The following STYX variants were observed in gnomAD, a reference collection of about 807,000 sequenced individuals.
STYX encodes serine/threonine/tyrosine-interacting protein.
STYX carries 20 observed loss-of-function variants against 42.7 expected under a neutral mutation model. The ratio of observed to expected loss-of-function variants is 0.47; its 90% CI spans 0.33 to 0.68. The LOEUF (loss-of-function observed/expected upper bound fraction) is 0.68, where lower values mean the gene tolerates loss of function less well. STYX is among the 30% of genes least tolerant of loss of function. The pLI, the probability that STYX is intolerant of heterozygous loss-of-function variation, is 0.02. For missense variants in STYX, 226 were observed against 268.5 expected (o/e 0.84, Z 1.11); for synonymous variants, 78 against 81.9 (o/e 0.95, Z 0.26).
intron 1 of STYX, among the ~76,000 whole-genome samples, chr14:52,736,348 A>C (rs1057433875): frequency 7.2e-5 from 11 of 152,200 alleles, no homozygotes; most frequent in African/African-American, 2.7e-4. Flanking sequence ...TGTAACATTT[A>C]ACAATTTTTG....
chr14:52,763,077 G>A (rs539667860), intron 9 of STYX, among the ~76,000 whole-genome samples: 1 of 151,546 alleles, frequency 6.6e-6, no homozygotes, highest in Non-Finnish European at 1.5e-5. Context: ...ATTTTCAGTA[G>A]AGACGAGGTT....
intron 1 of STYX, among the ~76,000 whole-genome samples, chr14:52,743,790 A>G (rs867236212): frequency 6.6e-6 from 1 of 152,288 alleles, no homozygotes; most frequent in Middle Eastern, 3.4e-3. Context: ...AAACTTTTGG[A>G]ATGCAGTCAA....
chr14:52,769,800 T>C (rs1027995672), intron 10 of STYX, among the ~76,000 whole-genome samples: 1 of 152,104 alleles, frequency 6.6e-6, no homozygotes, highest in Non-Finnish European at 1.5e-5. Flanking sequence ...ACTCTTGTTA[T>C]TTGGTCTGTT....
intron 4 of STYX, among the ~76,000 whole-genome samples, chr14:52,753,446 A>T (rs1045562933): frequency 6.6e-6 from 1 of 151,968 alleles, no homozygotes; most frequent in Non-Finnish European, 1.5e-5. Context: ...CGGCCTCCCA[A>T]AGCACTGGGA....
intron 10 of STYX, 21 bp downstream of exon 10, chr14:52,768,954 G>T: frequency 6.5e-7 from 1 of 1,530,138 alleles, no homozygotes; most frequent in Non-Finnish European, 8.8e-7. Context: ...TTTTCTTTTT[G>T]GAGAAATTTG....
At chr14:52,767,989 G>T (rs1483012256) in intron 9 of STYX, among the ~76,000 whole-genome samples, 1 of 152,030 alleles carries the variant, frequency 6.6e-6, no homozygotes, top group Non-Finnish European at 1.5e-5. Flanking sequence ...GCAAAAAATG[G>T]CAGGTGTAGG....
At chr14:52,756,675 C>CTTTT (rs748826005) in intron 5 of STYX, 64 bp downstream of exon 5, 2 of 71,904 alleles carry the variant, frequency 2.8e-5, no homozygotes, top group East Asian at 3.8e-4. Context: ...CTTAGTTGTG[C>CTTTT]TTTTTTTTTT....
intron 1 of STYX, 39 bp downstream of exon 1, chr14:52,730,570 C>G: frequency 6.2e-7 from 1 of 1,606,370 alleles, no homozygotes; most frequent in Non-Finnish European, 8.5e-7. Context: ...AGGCCTCTCC[C>G]TGTGGCTCCG....
intron 1 of STYX, among the ~76,000 whole-genome samples, chr14:52,733,912 C>G (rs553808164): frequency 5.3e-4 from 80 of 152,308 alleles, no homozygotes; most frequent in African/African-American, 1.8e-3. Context: ...CCCCCCGACC[C>G]CCGCTGCTTT....
At chr14:52,768,618 T>G (rs2139939059) in intron 9 of STYX, among the ~76,000 whole-genome samples, 1 of 152,268 alleles carries the variant, frequency 6.6e-6, no homozygotes, top group East Asian at 1.9e-4. Flanking sequence ...CAGTTCAGCA[T>G]GCAGTACCCT....
At chr14:52,732,099 T>G (rs10650265) in intron 1 of STYX, among the ~76,000 whole-genome samples, 738 of 54,086 alleles carry the variant, frequency 0.014, 8 homozygotes, top group East Asian at 0.093. Context: ...TGGTTTTTTT[T>G]TTTTTTTTTT....
intron 1 of STYX, among the ~76,000 whole-genome samples, chr14:52,740,325 T>C (rs1042867982): frequency 6.6e-6 from 1 of 152,216 alleles, no homozygotes. Flanking sequence ...ATTTCCCTCA[T>C]TGCTGGCTTA....
At chr14:52,731,913 C>T (rs1436015151) in intron 1 of STYX, among the ~76,000 whole-genome samples, 2 of 150,936 alleles carry the variant, frequency 1.3e-5, no homozygotes, top group Non-Finnish European at 2.9e-5. Flanking sequence ...TCACCTCAGC[C>T]TCTGGAGTAG....
At chr14:52,732,664 TTTTA>T (rs1045924892) in intron 1 of STYX, among the ~76,000 whole-genome samples, 6 of 151,832 alleles carry the variant, frequency 4.0e-5, no homozygotes, top group Non-Finnish European at 7.4e-5. Context: ...AAGAGTATGC[TTTTA>T]TTTATTTATT....
Position 52,744,163 on chromosome 14 carries a change from T to C in STYX, c.58-689T>C, listed in dbSNP as rs80264971. Among the ~76,000 whole-genome samples the C allele has an allele frequency of 2.2e-3, 337 of 152,278 alleles. 3 individuals carry two copies. Among genetic ancestry groups the C allele is most frequent in the African/African-American group, 7.7e-3 (319 of 41,572 alleles). ...GATTCTTCATTTCAATTCACTATAC[T>C]TTTTTTCTAAGTTTTAAAATATTTT... On this transcript the variant is annotated intron_variant, in intron 1 of 10. Transcript: ENST00000354586.
At chr14:52,757,675 G>T in intron 6 of STYX, 68 bp from the exon 7 acceptor site, 1 of 1,408,502 alleles carries the variant, frequency 7.1e-7, no homozygotes, top group South Asian at 1.2e-5. Context: ...ACTTTACTGT[G>T]GTTTCAATGT....
At chr14:52,764,489 T>A (rs1029148498) in intron 9 of STYX, among the ~76,000 whole-genome samples, 1 of 152,132 alleles carries the variant, frequency 6.6e-6, no homozygotes, top group Non-Finnish European at 1.5e-5. Context: ...TCCTAATAGG[T>A]GAATTTAACC....
intron 9 of STYX, among the ~76,000 whole-genome samples, chr14:52,766,756 T>G (rs1363196671): frequency 6.6e-6 from 1 of 152,210 alleles, no homozygotes; most frequent in East Asian, 1.9e-4. Flanking sequence ...CTTTTTCTTT[T>G]TAGTATACCC....
chr14:52,733,669 G>C (rs893029233), intron 1 of STYX, among the ~76,000 whole-genome samples: 1 of 152,136 alleles, frequency 6.6e-6, no homozygotes, highest in South Asian at 2.1e-4. Flanking sequence ...AAAGATCAGT[G>C]AACAGCCAGT....
Sources: allele counts gnomAD v4.1 joint callset (sites outside exome capture counted in the v4.1 genomes callset), GRCh38; gene constraint gnomAD v4.1.1; transcripts MANE v1.5; gene names NCBI Gene and HGNC (gene_info 2026-07-23, HGNC 2026-07-21).